PRKCE: variants seen among roughly 807,000 people sequenced by gnomAD.
PRKCE encodes protein kinase C epsilon type.
A neutral mutation model predicts 85.4 loss-of-function variants in PRKCE; 16 were observed. The ratio of observed to expected loss-of-function variants is 0.19; its 90% confidence interval spans 0.13 to 0.28. PRKCE has a LOEUF of 0.28. Ranked by LOEUF, PRKCE falls within the 10% of genes least tolerant of loss-of-function variation. The pLI is 1.00. For synonymous variants in PRKCE, 388 were observed against 371.5 expected, an observed-to-expected ratio of 1.04 and a Z score of -0.51; for missense variants, 573 against 975.2, an observed-to-expected ratio of 0.59 and a Z score of 5.49.
intron 10 of PRKCE, among the ~76,000 whole-genome samples, chr2:46,020,829 G>A (rs982976408): frequency 1.3e-5 from 2 of 152,216 alleles, no homozygotes; most frequent in African/African-American, 2.4e-5. Flanking sequence ...GACAGTATGT[G>A]ATAAAGAGGA....
chr2:46,165,263 C>T (rs959427518), intron 14 of PRKCE, among the ~76,000 whole-genome samples: 1 of 152,230 alleles, frequency 6.6e-6, no homozygotes, highest in African/African-American at 2.4e-5. Flanking sequence ...TCCACTTTCC[C>T]TTTTGTATTC....
chr2:46,073,746 G>A (rs1164279737), intron 10 of PRKCE: 1 of 152,168 alleles, frequency 6.6e-6, no homozygotes, highest in African/African-American at 2.4e-5. Context: ...AGATCAGGAA[G>A]GGAAAATGTC....
At position 46,187,344 on chromosome 2, in the gene PRKCE, C is replaced by T. The variant is rs931517213; in HGVS notation, c.*2463C>T. On this transcript the variant is annotated 3_prime_UTR_variant, in exon 15 of 15. Coordinates refer to ENST00000306156, the MANE Select transcript of PRKCE (RefSeq NM_005400.3). Reference sequence around the variant, plus strand: ...GTCCCAGAAAGGGCCCTTTTCAGCACCCAAAGCTGGGCTGGCTGGGATGCC... The same window carrying T: ...GTCCCAGAAAGGGCCCTTTTCAGCATCCAAAGCTGGGCTGGCTGGGATGCC... The T allele has an allele frequency of 3.9e-5, 6 of 152,368 alleles. No individual in the cohort carries two copies. The highest frequency in any genetic ancestry group is 1.3e-4 in the Admixed American group (2 of 15,280). 9.4% of individuals were successfully genotyped at this position (152,368 alleles called of 1,614,324 possible). A position where few individuals can be genotyped will look rare whatever the true frequency, so the allele number is the denominator to read the frequency against.
At chr2:46,125,936 A>G (rs756564424) in intron 11 of PRKCE, among the ~76,000 whole-genome samples, 2 of 152,206 alleles carry the variant, frequency 1.3e-5, no homozygotes, top group Admixed American at 6.5e-5. Context: ...ATTAAAAGTG[A>G]TTTAAGACAA....
chr2:45,812,436 C>A (rs77928306), intron 1 of PRKCE, among the ~76,000 whole-genome samples: 2 of 152,148 alleles, frequency 1.3e-5, no homozygotes, highest in Admixed American at 1.3e-4. Flanking sequence ...AAGCCCTGTG[C>A]AGGGGATCCC....
intron 1 of PRKCE, among the ~76,000 whole-genome samples, chr2:45,782,420 A>G (rs114711050): frequency 2.0e-3 from 305 of 152,158 alleles, no homozygotes; most frequent in African/African-American, 7.1e-3. Context: ...CTGATCCTCC[A>G]TTTCCTTATC....
chr2:46,043,382 G>C (rs986050006), intron 10 of PRKCE, among the ~76,000 whole-genome samples: 1 of 152,136 alleles, frequency 6.6e-6, no homozygotes, highest in Non-Finnish European at 1.5e-5. Flanking sequence ...AGCAGTGAAG[G>C]GGAAGAGTCA....
At chr2:46,162,503 C>A (rs780609695) in intron 14 of PRKCE, among the ~76,000 whole-genome samples, 1 of 152,126 alleles carries the variant, frequency 6.6e-6, no homozygotes, top group Non-Finnish European at 1.5e-5. Flanking sequence ...CCCTGCCTCC[C>A]CAGACCTTCA....
intron 2 of PRKCE, among the ~76,000 whole-genome samples, chr2:45,863,963 C>T (rs1693379457): frequency 6.6e-6 from 1 of 152,204 alleles, no homozygotes; most frequent in African/African-American, 2.4e-5. Context: ...CTGACCCTGC[C>T]ATTGGTGTCC....
At chr2:45,969,004 T>C (rs1244179492) in intron 2 of PRKCE, among the ~76,000 whole-genome samples, 11 of 146,090 alleles carry the variant, frequency 7.5e-5, no homozygotes, top group Non-Finnish European at 1.7e-4. Context: ...TCTTGTCACC[T>C]GCCTACAGCC....
intron 1 of PRKCE, among the ~76,000 whole-genome samples, chr2:45,723,605 T>G (rs894131171): frequency 6.6e-6 from 1 of 152,062 alleles, no homozygotes; most frequent in East Asian, 1.9e-4. Context: ...CATGTTCTTT[T>G]GTTTTGTTTT....
intron 1 of PRKCE, among the ~76,000 whole-genome samples, chr2:45,799,426 G>A (rs1413723844): frequency 6.6e-6 from 1 of 151,956 alleles, no homozygotes; most frequent in Non-Finnish European, 1.5e-5. Context: ...GGTGGCATGT[G>A]CCTGTAGTCC....
chr2:45,739,613 G>A (rs13419609), intron 1 of PRKCE, among the ~76,000 whole-genome samples: 27,073 of 152,044 alleles, frequency 0.18, 4,725 homozygotes, highest in African/African-American at 0.46. Context: ...GCTATATACT[G>A]TATTATCTCA....
chr2:46,129,049 C>T (rs557600246), intron 11 of PRKCE, among the ~76,000 whole-genome samples: 1 of 152,216 alleles, frequency 6.6e-6, no homozygotes, highest in Non-Finnish European at 1.5e-5. Flanking sequence ...TAGTTTCCCA[C>T]TCCTATACTA....
At chr2:45,826,661 G>A (rs183504843) in intron 1 of PRKCE, among the ~76,000 whole-genome samples, 1 of 152,044 alleles carries the variant, frequency 6.6e-6, no homozygotes, top group Non-Finnish European at 1.5e-5. Context: ...AGATGTCTCC[G>A]ACATGGCCAG....
intron 1 of PRKCE, among the ~76,000 whole-genome samples, chr2:45,703,024 C>CCG (rs879707807): frequency 4.1e-5 from 6 of 147,738 alleles, no homozygotes; most frequent in African/African-American, 1.0e-4. Flanking sequence ...CCTTTTTTCC[C>CCG]CCCCCGTCAG....
chr2:45,886,758 C>T (rs1188836014), intron 2 of PRKCE, among the ~76,000 whole-genome samples: 1 of 152,136 alleles, frequency 6.6e-6, no homozygotes, highest in African/African-American at 2.4e-5. Context: ...TCTTTAAATG[C>T]CAATGTGCTG....
At chr2:45,732,093 C>T (rs1681627536) in intron 1 of PRKCE, among the ~76,000 whole-genome samples, 1 of 152,134 alleles carries the variant, frequency 6.6e-6, no homozygotes, top group Non-Finnish European at 1.5e-5. Flanking sequence ...TAGAGAAGGG[C>T]CATACCATCT....
intron 11 of PRKCE, among the ~76,000 whole-genome samples, chr2:46,087,617 G>A (rs376120430): frequency 3.9e-5 from 6 of 152,186 alleles, no homozygotes; most frequent in Non-Finnish European, 7.3e-5. Context: ...GGGAATCGAC[G>A]CATTTGTTTT....
Sources: gnomAD v4.1 joint callset for allele counts (sites outside exome capture counted in the v4.1 genomes callset) on GRCh38, gnomAD v4.1.1 for gene constraint, MANE v1.5 for transcripts, NCBI Gene and HGNC (gene_info 2026-07-23, HGNC 2026-07-21) for gene names.